The following SUGCT variants were observed in gnomAD, a reference collection of about 807,000 sequenced individuals.
SUGCT encodes the protein succinyl-CoA:glutarate-CoA transferase.
In SUGCT, 41 loss-of-function variants were observed where a neutral mutation model predicts 55.0. The observed-to-expected ratio is 0.74, with a 90% CI of 0.58 to 0.97. SUGCT has a LOEUF of 0.97. Ranked by LOEUF, SUGCT falls within the 50% of genes least tolerant of loss-of-function variation. The pLI is 0.00. For synonymous variants in SUGCT, 187 were observed against 200.4 expected (o/e 0.93, Z 0.56); for missense variants, 568 against 547.8 (o/e 1.04, Z -0.37).
chr7:40,663,338 A>G, intron 12 of SUGCT, among the ~76,000 whole-genome samples: 1 of 151,822 alleles, frequency 6.6e-6, no homozygotes, highest in East Asian at 1.9e-4. Flanking sequence ...AGTTATGTGA[A>G]TGTATTATTC....
the SUGCT span, among the ~76,000 whole-genome samples, chr7:40,915,572 A>T: frequency 6.6e-6 from 1 of 152,206 alleles, no homozygotes; most frequent in Admixed American, 6.5e-5. Context: ...TGGTCACAGA[A>T]AACAAAAGAC....
chr7:40,269,895 G>C (rs1168602990), intron 7 of SUGCT, among the ~76,000 whole-genome samples: 1 of 152,074 alleles, frequency 6.6e-6, no homozygotes, highest in East Asian at 1.9e-4. Flanking sequence ...CCAGCACTTT[G>C]GGAGGCCCAG....
At chr7:40,892,562 C>T in the SUGCT span, among the ~76,000 whole-genome samples, 1 of 152,140 alleles carries the variant, frequency 6.6e-6, no homozygotes, top group Non-Finnish European at 1.5e-5. Flanking sequence ...GAGAGAGGGT[C>T]TTGCTTTGTC....
intron 7 of SUGCT, among the ~76,000 whole-genome samples, chr7:40,247,433 T>G (rs1439962525): frequency 6.6e-6 from 1 of 152,102 alleles, no homozygotes; most frequent in African/African-American, 2.4e-5. Context: ...TATTTTTGTA[T>G]TTTTAGTAGG....
At chr7:40,277,377 A>G (rs992406189) in intron 8 of SUGCT, among the ~76,000 whole-genome samples, 1 of 150,472 alleles carries the variant, frequency 6.6e-6, no homozygotes, top group African/African-American at 2.4e-5. Flanking sequence ...TTTGGTAGAG[A>G]CGGGGTTTTG....
At chr7:40,889,061 C>T in the SUGCT span, among the ~76,000 whole-genome samples, 2,226 of 152,204 alleles carry the variant, frequency 0.015, 51 homozygotes, top group African/African-American at 0.049. Context: ...GAAAATGCGC[C>T]GGAGCTTGAC....
chr7:40,984,563 A>G, the SUGCT span, among the ~76,000 whole-genome samples: 2 of 152,134 alleles, frequency 1.3e-5, no homozygotes, highest in African/African-American at 4.8e-5. Flanking sequence ...AGTCGGGCAG[A>G]TAGGACTTGT....
intron 8 of SUGCT, among the ~76,000 whole-genome samples, chr7:40,313,454 C>T (rs184178170): frequency 8.5e-5 from 13 of 152,250 alleles, no homozygotes; most frequent in African/African-American, 3.1e-4. Context: ...CTTCTCCTGC[C>T]TTAAAATACA....
chr7:40,603,781 T>A (rs1433408522), intron 12 of SUGCT, among the ~76,000 whole-genome samples: 2 of 152,224 alleles, frequency 1.3e-5, no homozygotes, highest in South Asian at 4.1e-4. Flanking sequence ...TTAGTAAGCA[T>A]GAAATTTAAT....
intron 13 of SUGCT, among the ~76,000 whole-genome samples, chr7:40,775,360 G>T (rs1426781199): frequency 6.6e-6 from 1 of 152,112 alleles, no homozygotes; most frequent in East Asian, 1.9e-4. Flanking sequence ...CAAGGTCTTT[G>T]GCAGGACATA....
At chr7:40,531,087 A>C (rs1203877549) in intron 12 of SUGCT, among the ~76,000 whole-genome samples, 5 of 152,224 alleles carry the variant, frequency 3.3e-5, no homozygotes, top group Non-Finnish European at 7.3e-5. Flanking sequence ...CTATTACCCA[A>C]GTAAATAGAG....
chr7:41,024,707 G>C, the SUGCT span, among the ~76,000 whole-genome samples: 12 of 151,204 alleles, frequency 7.9e-5, no homozygotes, highest in South Asian at 6.3e-4. Context: ...GTAAGAGAGA[G>C]GAAGTGTAGT....
chr7:40,428,463 T>C (rs541141682), intron 9 of SUGCT, among the ~76,000 whole-genome samples: 37 of 152,076 alleles, frequency 2.4e-4, no homozygotes, highest in Non-Finnish European at 4.6e-4. Context: ...TCCTGTCTTG[T>C]TGTATTCCTT....
chr7:40,367,802 C>G, intron 9 of SUGCT, among the ~76,000 whole-genome samples: 1 of 151,974 alleles, frequency 6.6e-6, no homozygotes, highest in East Asian at 1.9e-4. Context: ...TCTGCTTCCA[C>G]TTTTGCCTCC....
intron 12 of SUGCT, among the ~76,000 whole-genome samples, chr7:40,501,151 A>G (rs985295874): frequency 1.3e-5 from 2 of 152,210 alleles, no homozygotes; most frequent in Non-Finnish European, 2.9e-5. Context: ...AGGCAAGGAG[A>G]TAAAAACATA....
At chr7:40,472,952 T>A (rs949120899) in intron 11 of SUGCT, among the ~76,000 whole-genome samples, 4 of 152,324 alleles carry the variant, frequency 2.6e-5, no homozygotes, top group African/African-American at 9.6e-5. Context: ...TACAATTGAC[T>A]TCTTTTCAGT....
At chr7:40,158,676 G>A (rs1784011768) in intron 1 of SUGCT, among the ~76,000 whole-genome samples, 1 of 152,124 alleles carries the variant, frequency 6.6e-6, no homozygotes, top group Non-Finnish European at 1.5e-5. Context: ...CTTGAACCCG[G>A]GGGGCAGAGG....
chr7:40,210,235 ACAGAGTTT>A (rs1358073547), intron 6 of SUGCT, among the ~76,000 whole-genome samples: 4 of 151,612 alleles, frequency 2.6e-5, no homozygotes, highest in African/African-American at 9.7e-5. Flanking sequence ...TTTAGTAGAG[ACAGAGTTT>A]CACCATATTG....
At chr7:40,700,893 A>C (rs1268167068) in intron 12 of SUGCT, among the ~76,000 whole-genome samples, 1 of 152,164 alleles carries the variant, frequency 6.6e-6, no homozygotes, top group Non-Finnish European at 1.5e-5. Flanking sequence ...AGGAGAGAAG[A>C]GCCACCGCAG....
Sources: gnomAD v4.1 joint callset for allele counts (sites outside exome capture counted in the v4.1 genomes callset) on GRCh38, gnomAD v4.1.1 for gene constraint, MANE v1.5 for transcripts, NCBI Gene and HGNC (gene_info 2026-07-23, HGNC 2026-07-21) for gene names.